Variants in IFT88 observed in about 807,000 individuals in gnomAD.
IFT88 encodes intraflagellar transport 88, also known as intraflagellar transport protein 88 homolog.
A neutral mutation model predicts 119.5 loss-of-function variants in IFT88; 74 were observed. The ratio of observed to expected loss-of-function variants is 0.62; its 90% confidence interval spans 0.51 to 0.75. The LOEUF (loss-of-function observed/expected upper bound fraction) is 0.75. Ranked by LOEUF, IFT88 falls within the 30% of genes least tolerant of loss-of-function variation. The pLI, the probability that IFT88 is intolerant of heterozygous loss-of-function variation, is 0.00. For missense variants in IFT88, 961 were observed against 977.7 expected, an observed-to-expected ratio of 0.98 and a Z score of 0.23; for synonymous variants, 279 against 316.7, an observed-to-expected ratio of 0.88 and a Z score of 1.26.
intron 1 of IFT88, among the ~76,000 whole-genome samples, chr13:20,570,557 C>G (rs911202998): frequency 8.5e-5 from 13 of 152,226 alleles, no homozygotes; most frequent in Non-Finnish European, 1.8e-4. Context: ...ATACATACTA[C>G]TGCGTGGATG....
At chr13:20,641,603 T>G (rs2049972368) in intron 18 of IFT88, 1 of 412,622 alleles carries the variant, frequency 2.4e-6, no homozygotes, top group Non-Finnish European at 4.3e-6. Context: ...AAAGAGGAAT[T>G]AATGGTTAAA....
At chr13:20,678,481 A>G (rs74036422) in intron 24 of IFT88, among the ~76,000 whole-genome samples, 34,255 of 152,212 alleles carry the variant, frequency 0.23, 4,626 homozygotes, top group African/African-American at 0.36. Flanking sequence ...CATTTTTAGC[A>G]AGGAGCAGAG....
At chr13:20,688,553 A>G (rs2058184981) in intron 24 of IFT88, among the ~76,000 whole-genome samples, 2 of 152,246 alleles carry the variant, frequency 1.3e-5, no homozygotes, top group Non-Finnish European at 2.9e-5. Flanking sequence ...GTGAGGCTAC[A>G]AGGTGCCTAC....
At chr13:20,602,047 A>G in intron 12 of IFT88, 114 bp downstream of exon 12, 1 of 635,260 alleles carries the variant, frequency 1.6e-6, no homozygotes, top group Non-Finnish European at 2.8e-6. Context: ...GGCCTGTATC[A>G]ATGTGTTTTA....
chr13:20,633,723 A>G (rs1041520198), intron 16 of IFT88, among the ~76,000 whole-genome samples: 41 of 152,326 alleles, frequency 2.7e-4, no homozygotes, highest in African/African-American at 9.9e-4. Flanking sequence ...AATTTCTTAT[A>G]CTTGGTTCTG....
chr13:20,686,657 C>T (rs988522579), intron 24 of IFT88, among the ~76,000 whole-genome samples: 8 of 152,038 alleles, frequency 5.3e-5, no homozygotes, highest in Admixed American at 5.2e-4. Flanking sequence ...AAATCTCTGC[C>T]GCAACCTGTT....
chr13:20,579,233 C>A (rs1004555291), intron 2 of IFT88, among the ~76,000 whole-genome samples: 6 of 152,232 alleles, frequency 3.9e-5, no homozygotes, highest in African/African-American at 1.4e-4. Flanking sequence ...TCCCTTAAGT[C>A]AACCAGTTCC....
In IFT88 at chr13:20,654,421, A is replaced by G. The variant is rs1426669701; in HGVS notation, c.2002+493A>G. On this transcript the variant is annotated intron_variant, in intron 21 of 25. Transcript: ENST00000351808. Reference sequence around the variant, plus strand: ...CTTTTATTAAATTCTTGCTGATGACACATATCCTGAAGGATAGAGATGCTA... The same window carrying G: ...CTTTTATTAAATTCTTGCTGATGACGCATATCCTGAAGGATAGAGATGCTA... Among the ~76,000 whole-genome samples, 4 of 152,260 alleles carry G rather than the reference A, an allele frequency of 2.6e-5. No homozygotes were observed. The East Asian group carries it at 7.7e-4, about 29-fold the overall frequency.
intron 1 of IFT88, among the ~76,000 whole-genome samples, chr13:20,574,087 G>A (rs550000468): frequency 1.3e-5 from 2 of 152,188 alleles, no homozygotes; most frequent in African/African-American, 4.8e-5. Context: ...AGCATTTTGG[G>A]AGGCCAAAGT....
chr13:20,659,639 C>CT (rs1437678498), intron 22 of IFT88, among the ~76,000 whole-genome samples: 1 of 103,442 alleles, frequency 9.7e-6, no homozygotes, highest in African/African-American at 3.7e-5. Context: ...TTTTACAATA[C>CT]TTTATGGTCT....
intron 2 of IFT88, among the ~76,000 whole-genome samples, chr13:20,579,253 T>A (rs1342849324): frequency 6.6e-6 from 1 of 152,140 alleles, no homozygotes; most frequent in Non-Finnish European, 1.5e-5. Context: ...CCCTGGGCCC[T>A]GGGTGGGTCC....
intron 14 of IFT88, among the ~76,000 whole-genome samples, chr13:20,618,926 G>A (rs1162746357): frequency 6.7e-6 from 1 of 150,200 alleles, no homozygotes; most frequent in Non-Finnish European, 1.5e-5. Context: ...GTGCAATCTC[G>A]GCTCACTACA....
At chr13:20,654,320 C>T (rs942646184) in intron 21 of IFT88, among the ~76,000 whole-genome samples, 2 of 152,170 alleles carry the variant, frequency 1.3e-5, no homozygotes, top group African/African-American at 2.4e-5. Context: ...GAGAAAAGCT[C>T]ACACTGAGAC....
At chr13:20,585,543 C>T (rs574679881) in intron 3 of IFT88, among the ~76,000 whole-genome samples, 4 of 152,272 alleles carry the variant, frequency 2.6e-5, no homozygotes, top group African/African-American at 9.6e-5. Context: ...TTTACTGAGG[C>T]TTGATCACAT....
intron 24 of IFT88, among the ~76,000 whole-genome samples, chr13:20,673,911 GTTC>G (rs1340918332): frequency 6.6e-6 from 1 of 152,148 alleles, no homozygotes; most frequent in East Asian, 1.9e-4. Context: ...GTGTTACTAG[GTTC>G]TTCTGGCACA....
At chr13:20,593,442 CTTGG>C (rs1441882466) in intron 7 of IFT88, among the ~76,000 whole-genome samples, 1 of 151,662 alleles carries the variant, frequency 6.6e-6, no homozygotes, top group Non-Finnish European at 1.5e-5. Flanking sequence ...AGTTCCAGAG[CTTGG>C]GCTCTGGAAC....
intron 18 of IFT88, chr13:20,642,343 C>A (rs1430269557): frequency 6.6e-6 from 1 of 152,150 alleles, no homozygotes; most frequent in African/African-American, 2.4e-5. Context: ...GTAGCTCACA[C>A]CTGTAATCCC....
chr13:20,572,213 T>C (rs1389748562), intron 1 of IFT88, among the ~76,000 whole-genome samples: 4 of 152,116 alleles, frequency 2.6e-5, no homozygotes, highest in Non-Finnish European at 5.9e-5. Context: ...TCTCAATCCA[T>C]CTATCAAGCC....
At chr13:20,611,546 G>C (rs1255043150) in intron 13 of IFT88, among the ~76,000 whole-genome samples, 2 of 140,862 alleles carry the variant, frequency 1.4e-5, no homozygotes, top group African/African-American at 5.2e-5. Context: ...AAAAAAGACT[G>C]AATGCTTTGC....
Sources: allele counts gnomAD v4.1 joint callset (sites outside exome capture counted in the v4.1 genomes callset), GRCh38; gene constraint gnomAD v4.1.1; transcripts MANE v1.5; gene names NCBI Gene and HGNC (gene_info 2026-07-23, HGNC 2026-07-21).